The following GAB1 variants were observed in gnomAD, a reference collection of about 807,000 sequenced individuals.
The protein encoded by GAB1 is GRB2 associated binding protein 1, also known as GRB2-associated-binding protein 1.
In GAB1, 19 loss-of-function variants were observed where a neutral mutation model predicts 66.5. The observed-to-expected ratio is 0.29, with a 90% CI of 0.20 to 0.42. The LOEUF (loss-of-function observed/expected upper bound fraction) is 0.42. Among genes scored for constraint, GAB1 ranks in the 10% least tolerant of loss-of-function variants. GAB1 has a pLI of 1.00. For missense variants in GAB1, 732 were observed against 858.5 expected (o/e 0.85, Z 1.84); for synonymous variants, 294 against 301.4 (o/e 0.98, Z 0.25).
chr4:143,463,191 A>G (rs1178457082), intron 8 of GAB1, among the ~76,000 whole-genome samples: 2 of 152,238 alleles, frequency 1.3e-5, no homozygotes, highest in African/African-American at 4.8e-5. Context: ...ATCAAAAATC[A>G]TGCATTATCA....
chr4:143,338,752 G>A lies in GAB1; in HGVS notation c.72+1492G>A, dbSNP rs111255108. ...GTGTATGTGACAGAGAAGGAAGGGA[G>A]AAAGGGGTAGGGAGATAAATATATT... On this transcript the variant is annotated intron_variant, in intron 1 of 9. Transcript: ENST00000262994. Among the ~76,000 whole-genome samples, 329 of 138,090 alleles carry A rather than the reference G, an allele frequency of 2.4e-3. 2 individuals are homozygous for A. Among genetic ancestry groups the A allele is most frequent in the African/African-American group, 9.1e-3 (314 of 34,464 alleles). The allele number at this position is 138,090 out of a possible 152,430, so 90.6% of individuals were successfully genotyped here.
At chr4:143,418,208 C>G (rs1230009596) in intron 2 of GAB1, among the ~76,000 whole-genome samples, 9 of 152,230 alleles carry the variant, frequency 5.9e-5, no homozygotes, top group Non-Finnish European at 1.3e-4. Flanking sequence ...TTCAGCAGAG[C>G]TCTAGTGATT....
intron 1 of GAB1, among the ~76,000 whole-genome samples, chr4:143,337,937 G>C (rs371715002): frequency 6.6e-6 from 1 of 152,018 alleles, no homozygotes; most frequent in Non-Finnish European, 1.5e-5. Flanking sequence ...GGAGGGCGCT[G>C]GGGGGGAGCC....
chr4:143,411,125 C>T (rs893410445), intron 1 of GAB1, among the ~76,000 whole-genome samples: 10 of 152,042 alleles, frequency 6.6e-5, no homozygotes, highest in African/African-American at 1.4e-4. Context: ...CAAGAAGTGA[C>T]GCTGGAGAGA....
intron 1 of GAB1, among the ~76,000 whole-genome samples, chr4:143,354,591 C>T (rs1288348875): frequency 6.6e-6 from 1 of 151,792 alleles, no homozygotes; most frequent in East Asian, 1.9e-4. Context: ...GGAAGTGTTT[C>T]TTTTAAAAAA....
In GAB1 at chr4:143,392,928, C is replaced by A. The variant is rs190319478; in HGVS notation, c.73-22549C>A. Among the ~76,000 whole-genome samples the A allele has an allele frequency of 2.6e-3, 390 of 152,210 alleles. 2 individuals carry two copies. Among genetic ancestry groups the A allele is most frequent in the African/African-American group, 9.0e-3 (374 of 41,540 alleles). ...TAAAGCTTACTGAGATTTTTACTTT[C>A]TATTAGTGATAGCAGTACCTTTTTC... On this transcript the variant is annotated intron_variant, in intron 1 of 9. Coordinates refer to ENST00000262994, the MANE Select transcript of GAB1 (RefSeq NM_002039.4).
At chr4:143,373,321 G>C (rs1418802293) in intron 1 of GAB1, among the ~76,000 whole-genome samples, 1 of 152,090 alleles carries the variant, frequency 6.6e-6, no homozygotes, top group East Asian at 1.9e-4. Flanking sequence ...TAATATAATT[G>C]TTTAATTAAA....
At chr4:143,447,351 TG>T (rs1734616835) in intron 6 of GAB1, among the ~76,000 whole-genome samples, 1 of 152,198 alleles carries the variant, frequency 6.6e-6, no homozygotes, top group South Asian at 2.1e-4. Context: ...GGTAGATTGA[TG>T]GGGATGGCAT....
Position 143,469,703 on chromosome 4 carries a change from T to C in GAB1, c.*514T>C, listed in dbSNP as rs1460168229. 6.5e-6 allele frequency: 1 copy of C among 154,778 alleles called. No homozygotes were observed. The highest frequency in any genetic ancestry group is 1.4e-5 in the Non-Finnish European group (1 of 69,276). 9.6% of individuals were successfully genotyped at this position (154,778 alleles called of 1,614,324 possible). ...GATAACCATTAGCTTATACTTGGAC[T>C]CATCATTTGTTGCCTTCCAAAATGC... On this transcript the variant is annotated 3_prime_UTR_variant, in exon 10 of 10. Transcript: ENST00000262994.
At chr4:143,364,815 G>A (rs1405561655) in intron 1 of GAB1, among the ~76,000 whole-genome samples, 2 of 149,422 alleles carry the variant, frequency 1.3e-5, no homozygotes, top group Non-Finnish European at 3.0e-5. Flanking sequence ...ATCGAGATCT[G>A]TGAAAAGGAG....
chr4:143,458,921 T>G (rs1735340043), intron 6 of GAB1, among the ~76,000 whole-genome samples: 1 of 152,064 alleles, frequency 6.6e-6, no homozygotes, highest in Non-Finnish European at 1.5e-5. Context: ...GTGTTTTTAA[T>G]AGTTTCTATG....
At position 143,466,225 on chromosome 4, in the gene GAB1, G is replaced by A; in HGVS notation, c.1926G>A (p.Lys642=). 3 of 1,613,346 alleles carry A rather than the reference G, an allele frequency of 1.9e-6. No homozygotes were observed. Among genetic ancestry groups the A allele is most frequent in the Non-Finnish European group, 2.5e-6 (3 of 1,179,536 alleles). ...CTGGGAAATCCACACCACCACGTAA[G>A]GTGAGTGACATGTGACATGTCTCTT... ...LDSGKSTPPR[K]QKSSGSGSSV... Residue 642 remains lysine (K), a splice_region_variant and synonymous_variant, in exon 9 of 10, where the codon AAG becomes AAA. Coordinates refer to ENST00000262994, the MANE Select transcript of GAB1 (RefSeq NM_002039.4).
intron 8 of GAB1, among the ~76,000 whole-genome samples, chr4:143,462,028 G>T (rs906476094): frequency 1.3e-5 from 2 of 152,170 alleles, no homozygotes; most frequent in Non-Finnish European, 2.9e-5. Context: ...GCTGAAGCAG[G>T]AGGATCTCTT....
At chr4:143,411,958 G>A (rs1023390379) in intron 1 of GAB1, among the ~76,000 whole-genome samples, 6 of 152,162 alleles carry the variant, frequency 3.9e-5, no homozygotes, top group Non-Finnish European at 5.9e-5. Flanking sequence ...TAAATGGCAG[G>A]TGCTGCTTGG....
At chr4:143,453,535 A>C (rs1459528257) in intron 6 of GAB1, among the ~76,000 whole-genome samples, 2 of 152,188 alleles carry the variant, frequency 1.3e-5, no homozygotes, top group African/African-American at 4.8e-5. Flanking sequence ...CATTTTATAT[A>C]TGTTTTCACT....
chr4:143,403,929 C>T (rs1195775599), intron 1 of GAB1, among the ~76,000 whole-genome samples: 6 of 152,072 alleles, frequency 3.9e-5, no homozygotes, highest in Admixed American at 6.5e-5. Flanking sequence ...GATATTTAAG[C>T]GTTATTTTGG....
At chr4:143,455,391 T>C (rs1010764118) in intron 6 of GAB1, among the ~76,000 whole-genome samples, 1 of 152,110 alleles carries the variant, frequency 6.6e-6, no homozygotes, top group Non-Finnish European at 1.5e-5. Flanking sequence ...CTCGGTAAGA[T>C]TTAGCAGTCA....
intron 6 of GAB1, among the ~76,000 whole-genome samples, chr4:143,441,544 CCT>C (rs1252315291): frequency 6.6e-6 from 1 of 152,114 alleles, no homozygotes; most frequent in African/African-American, 2.4e-5. Flanking sequence ...AGGATAACCT[CCT>C]CGTTTCAACA....
At chr4:143,457,556 A>G (rs964035485) in intron 6 of GAB1, 5 of 507,096 alleles carry the variant, frequency 9.9e-6, no homozygotes, top group East Asian at 6.9e-5. Flanking sequence ...ACTTTTGTTC[A>G]TGCTTTTAGA....
Sources: allele counts gnomAD v4.1 joint callset (sites outside exome capture counted in the v4.1 genomes callset), GRCh38; gene constraint gnomAD v4.1.1; transcripts MANE v1.5; gene names NCBI Gene and HGNC (gene_info 2026-07-23, HGNC 2026-07-21).